The following WBP2NL variants were observed in gnomAD, a reference collection of about 807,000 sequenced individuals.
The protein encoded by WBP2NL is postacrosomal sheath WW domain-binding protein.
WBP2NL carries 27 observed loss-of-function variants against 23.3 expected under a neutral mutation model. The observed-to-expected ratio is 1.16, with a 90% CI of 0.85 to 1.60. The LOEUF is 1.60. WBP2NL is among the 40% of genes most tolerant of loss of function. The pLI is 0.00. For synonymous variants in WBP2NL, 151 were observed against 145.9 expected (o/e 1.03, Z -0.25); for missense variants, 370 against 389.5 (o/e 0.95, Z 0.42).
rs1924049723 is a variant in WBP2NL, at chr22:42,022,270, G to A, written c.428G>A (p.Arg143Lys). 3 of 1,614,026 alleles carry A rather than the reference G, an allele frequency of 1.9e-6. No individual in the cohort carries two copies. The highest frequency in any genetic ancestry group is 2.7e-5 in the African/African-American group (2 of 74,926). Residue 143 changes from arginine (R) to lysine (K), a missense_variant, in exon 5 of 6, where the codon AGA becomes AAA. Coordinates refer to ENST00000328823, the MANE Select transcript of WBP2NL (RefSeq NM_152613.3). ...CCAGCTGCCCGAGGATTTCCACTTA[G>A]AACCTTAAATGACTGGTTCAGCTCT... ...ASAAARGFPL[R>K]TLNDWFSSMG... is the part of the protein sequence containing the mutation.
Position 42,001,913 on chromosome 22 carries a change from G to A in WBP2NL, c.62+3033G>A, listed in dbSNP as rs373710740. 39 of 1,455,462 alleles carry A rather than the reference G, an allele frequency of 2.7e-5. No individual in the cohort carries two copies. In the African/African-American group the frequency reaches 4.4e-4, roughly 16 times the overall value. The allele number at this position is 1,455,462 out of a possible 1,614,324, so 90.2% of individuals were successfully genotyped here. A position where few individuals can be genotyped will look rare whatever the true frequency, so the allele number is the denominator to read the frequency against. On this transcript the variant is annotated intron_variant, in intron 1 of 5. Transcript: ENST00000328823. Reference sequence around the variant, plus strand: ...CTACCGCCATCTTGGAGATGGCTGCGGCCACTCCACCTGCCAGGGAGTCCT... The same window carrying A: ...CTACCGCCATCTTGGAGATGGCTGCAGCCACTCCACCTGCCAGGGAGTCCT...
At chr22:42,042,355 C>CT (rs1282741561) in intron 8 of WBP2NL, among the ~76,000 whole-genome samples, 3 of 152,030 alleles carry the variant, frequency 2.0e-5, no homozygotes, top group African/African-American at 7.2e-5. Flanking sequence ...CATTTTAGTT[C>CT]TTTTTTCTCT....
intron 1 of WBP2NL, among the ~76,000 whole-genome samples, chr22:42,018,312 CAAAA>C (rs34200437): frequency 8.2e-5 from 4 of 48,630 alleles, no homozygotes; most frequent in East Asian, 6.6e-4. Flanking sequence ...GACCCTGTCT[CAAAA>C]AAAAAAAAAA....
intron 1 of WBP2NL, among the ~76,000 whole-genome samples, chr22:42,017,181 G>T (rs760606379): frequency 2.6e-5 from 4 of 152,102 alleles, no homozygotes; most frequent in Admixed American, 6.5e-5. Context: ...AGGGTGGAGT[G>T]CAGTGGATCA....
chr22:42,050,183 T>C (rs1006995599), intron 8 of WBP2NL, among the ~76,000 whole-genome samples: 2 of 151,878 alleles, frequency 1.3e-5, no homozygotes, highest in African/African-American at 2.4e-5. Flanking sequence ...TGGGCATTCC[T>C]ATAGTCCTAG....
chr22:42,013,784 ATT>A (rs755939947), intron 1 of WBP2NL, among the ~76,000 whole-genome samples: 1 of 143,260 alleles, frequency 7.0e-6, no homozygotes, highest in Non-Finnish European at 1.5e-5. Flanking sequence ...TAAATTTTTA[ATT>A]TTTTTTTTTT....
chr22:42,049,403 A>T (rs1925727989), intron 8 of WBP2NL, among the ~76,000 whole-genome samples: 3 of 152,136 alleles, frequency 2.0e-5, no homozygotes, highest in Non-Finnish European at 4.4e-5. Flanking sequence ...AGAAGATAAC[A>T]TAGGAGGCCG....
At chr22:42,052,712 G>C (rs1371735863) in intron 8 of WBP2NL, among the ~76,000 whole-genome samples, 4 of 152,166 alleles carry the variant, frequency 2.6e-5, no homozygotes, top group Admixed American at 2.0e-4. Flanking sequence ...TTTGGCCTGT[G>C]CATATTGCCT....
chr22:42,001,106 A>G lies in WBP2NL; in HGVS notation c.62+2226A>G, dbSNP rs1455007279. The G allele has an allele frequency of 1.8e-5, 19 of 1,051,140 alleles. No homozygotes were observed. In the East Asian group the frequency reaches 4.5e-4, roughly 25 times the overall value. The allele number at this position is 1,051,140 out of a possible 1,614,324, so 65.1% of individuals were successfully genotyped here. On this transcript the variant is annotated intron_variant, in intron 1 of 5. Transcript: ENST00000328823. ...CTTGGTTTCATCATACAAGACAAGC[A>G]CAAAAGCACCACCCATGCCTCTGAG...
intron 8 of WBP2NL, among the ~76,000 whole-genome samples, chr22:42,038,335 A>G (rs1488531567): frequency 6.6e-6 from 1 of 152,038 alleles, no homozygotes; most frequent in African/African-American, 2.4e-5. Context: ...CCACTCTATC[A>G]TGTTGTATAA....
intron 1 of WBP2NL, among the ~76,000 whole-genome samples, chr22:42,016,944 C>A (rs1923357344): frequency 6.6e-6 from 1 of 152,168 alleles, no homozygotes; most frequent in South Asian, 2.1e-4. Context: ...AGCTTTCCAA[C>A]TTTGTTTCAC....
chr22:42,049,700 CAAAACAAAAAAAAAAAAA>C (rs1421303704), intron 8 of WBP2NL, among the ~76,000 whole-genome samples: 13 of 36,480 alleles, frequency 3.6e-4, no homozygotes, highest in East Asian at 2.7e-3. Flanking sequence ...CAAAACAAAA[CAAAACAAAAAAAAAAAAA>C]AAAAAAAAAA....
chr22:42,021,569 A>G (rs573622654), intron 4 of WBP2NL, among the ~76,000 whole-genome samples: 1 of 152,220 alleles, frequency 6.6e-6, no homozygotes, highest in African/African-American at 2.4e-5. Context: ...GAGGGGAGAC[A>G]AGACAAAAGT....
chr22:42,013,079 G>A (rs906678892), intron 1 of WBP2NL, among the ~76,000 whole-genome samples: 1 of 150,616 alleles, frequency 6.6e-6, no homozygotes, highest in Non-Finnish European at 1.5e-5. Flanking sequence ...ATTTCAATAA[G>A]AAATCGCTGC....
At chr22:42,023,306 C>A (rs1248765524) in intron 5 of WBP2NL, among the ~76,000 whole-genome samples, 7 of 151,474 alleles carry the variant, frequency 4.6e-5, no homozygotes, top group East Asian at 1.9e-4. Flanking sequence ...TACCTCAGTA[C>A]CCCCCAACCA....
At chr22:42,001,999 G>T in intron 1 of WBP2NL, 3 of 876,096 alleles carry the variant, frequency 3.4e-6, no homozygotes, top group Non-Finnish European at 4.9e-6. Flanking sequence ...TGTGGGATGG[G>T]ACTGGTCCGA....
chr22:42,047,685 C>T (rs1450612109), intron 8 of WBP2NL, among the ~76,000 whole-genome samples: 5 of 138,032 alleles, frequency 3.6e-5, no homozygotes, highest in Non-Finnish European at 4.5e-5. Context: ...GCAGTGGCGC[C>T]GTCTCAGCTT....
downstream of WBP2NL, among the ~76,000 whole-genome samples, chr22:42,033,135 G>C (rs188000513): frequency 1.3e-5 from 2 of 152,278 alleles, no homozygotes; most frequent in Admixed American, 1.3e-4. Flanking sequence ...GGGGAAGTGT[G>C]GGGTCTGGCT....
intron 8 of WBP2NL, among the ~76,000 whole-genome samples, chr22:42,048,813 G>A (rs1925703343): frequency 1.3e-5 from 2 of 151,654 alleles, no homozygotes; most frequent in Middle Eastern, 6.8e-3. Context: ...GAATAGAGGG[G>A]AATATCCTCA....
Sources: allele counts gnomAD v4.1 joint callset (sites outside exome capture counted in the v4.1 genomes callset), GRCh38; gene constraint gnomAD v4.1.1; transcripts MANE v1.5; gene names NCBI Gene and HGNC (gene_info 2026-07-23, HGNC 2026-07-21).